The following IKBKB variants were observed in gnomAD, a reference collection of about 807,000 sequenced individuals.
IKBKB encodes the protein inhibitor of nuclear factor kappa B kinase subunit beta.
In IKBKB, 42 loss-of-function variants were observed where a neutral mutation model predicts 113.6. The observed-to-expected ratio is 0.37, with a 90% confidence interval of 0.29 to 0.48. The LOEUF (loss-of-function observed/expected upper bound fraction) is 0.48, where lower values mean the gene tolerates loss of function less well. Among genes scored for constraint, IKBKB ranks in the 20% least tolerant of loss-of-function variants. IKBKB has a pLI of 0.99. For synonymous variants in IKBKB, 296 were observed against 361.3 expected (o/e 0.82, Z 2.05); for missense variants, 673 against 939.7 (o/e 0.72, Z 3.71).
At chr8:42,326,174 G>A (rs368885434) in intron 20 of IKBKB, 77 bp downstream of exon 20, 2 of 1,546,080 alleles carry the variant, frequency 1.3e-6, no homozygotes, top group Non-Finnish European at 1.8e-6. Flanking sequence ...GTTTGTCACT[G>A]GTAAATGTCT....
In IKBKB at chr8:42,272,192, G is replaced by A; in HGVS notation, c.92G>A (p.Arg31Gln). The change falls in exon 2 of 22, where the codon CGA becomes CAA. Residue 31 changes from arginine (R) to glutamine (Q), a missense_variant. Physicochemically the swap from Arg to Gln is conservative, Grantham distance 43. Around this residue, in one of 2 missense-constraint regions of IKBKB, gnomAD observed 167 missense variants for 301.0 expected, o/e 0.55. Transcript: ENST00000520810. ...LGTGGFGNVIRWHNQETGEQI... is the reference protein window; with the variant it reads ...LGTGGFGNVIQWHNQETGEQI... ...ACAGGGGGATTTGGAAATGTCATCCGATGGCACAATCAGGTAGGCCCTCTG... is the reference window on the plus strand; with the variant it reads ...ACAGGGGGATTTGGAAATGTCATCCAATGGCACAATCAGGTAGGCCCTCTG... 2 of 1,614,150 alleles carry A rather than the reference G, an allele frequency of 1.2e-6. No homozygotes were observed. The highest frequency in any genetic ancestry group is 1.7e-6 in the Non-Finnish European group (2 of 1,180,046).
rs538968317 is a variant in IKBKB at position 42,293,726 on chromosome 8, T to A, written c.388+214T>A. 3.9e-5 allele frequency among the ~76,000 whole-genome samples: 6 copies of A among 152,314 alleles called. No homozygotes were observed. In the East Asian group the frequency reaches 7.7e-4, roughly 20 times the overall value. On this transcript the variant is annotated intron_variant, in intron 5 of 21. Transcript: ENST00000520810. Reference sequence around the variant, plus strand: ...ACTCAAATAGGTTTCCCTTCCTTCCTGATTAACTCATCAGGTGAATTATGA... The same window carrying A: ...ACTCAAATAGGTTTCCCTTCCTTCCAGATTAACTCATCAGGTGAATTATGA...
At chr8:42,303,749 C>G (rs757588166) in intron 5 of IKBKB, among the ~76,000 whole-genome samples, 1 of 152,296 alleles carries the variant, frequency 6.6e-6, no homozygotes, top group South Asian at 2.1e-4. Context: ...TCAGGTGATT[C>G]GCCCACGTTG....
chr8:42,271,322 G>A lies in IKBKB; in HGVS notation c.-166G>A, dbSNP rs753709494. On this transcript the variant is annotated 5_prime_UTR_variant, in exon 1 of 22. Coordinates refer to ENST00000520810, the MANE Select transcript of IKBKB (RefSeq NM_001556.3). ...GCTCCGTGACGTCAGAGCAGGAAGTGTTTGAGGAAGTCGCGCCGCGCTGCC... is the reference window on the plus strand; with the variant it reads ...GCTCCGTGACGTCAGAGCAGGAAGTATTTGAGGAAGTCGCGCCGCGCTGCC... 3.9e-6 allele frequency: 4 copies of A among 1,031,948 alleles called. No individual in the cohort carries two copies. The highest frequency in any genetic ancestry group is 3.2e-5 in the African/African-American group (2 of 63,444). 63.9% of individuals were successfully genotyped at this position (1,031,948 alleles called of 1,614,324 possible). A position where few individuals can be genotyped will look rare whatever the true frequency, so the allele number is the denominator to read the frequency against.
chr8:42,317,232 C>T, intron 11 of IKBKB: 1 of 429,796 alleles, frequency 2.3e-6, no homozygotes. Context: ...AAAAAGGATG[C>T]TGCACTTTCT....
At chr8:42,321,595 C>T (rs1044152301) in intron 16 of IKBKB, 8 of 314,776 alleles carry the variant, frequency 2.5e-5, no homozygotes, top group Admixed American at 4.5e-5. Context: ...AATCATAGCT[C>T]ACTGCAGCCT....
chr8:42,301,057 A>G (rs568059323), intron 5 of IKBKB, among the ~76,000 whole-genome samples: 18 of 151,676 alleles, frequency 1.2e-4, no homozygotes, highest in African/African-American at 2.7e-4. Flanking sequence ...GGGTCTTGCT[A>G]TATTGCCCAG....
chr8:42,319,452 A>T, intron 14 of IKBKB, 31 bp downstream of exon 14: 1 of 1,613,346 alleles, frequency 6.2e-7, no homozygotes, highest in Non-Finnish European at 8.5e-7. Context: ...GAGTTTAAAG[A>T]CACCATTTTT....
At chr8:42,285,844 A>G (rs1217712130) in intron 2 of IKBKB, among the ~76,000 whole-genome samples, 1 of 152,220 alleles carries the variant, frequency 6.6e-6, no homozygotes, top group Non-Finnish European at 1.5e-5. Flanking sequence ...TTCCATTTAT[A>G]TGAAATGTCC....
chr8:42,302,768 A>G (rs1323758377), intron 5 of IKBKB, among the ~76,000 whole-genome samples: 1 of 151,678 alleles, frequency 6.6e-6, no homozygotes, highest in East Asian at 1.9e-4. Context: ...CAAAATCCAA[A>G]AAAAAAAAAA....
chr8:42,322,340 T>G lies in IKBKB; in HGVS notation c.1839-7T>G. ...TGCCATTAGTTTGCCATGTTTATTC[T>G]TTGCAGTAAAACTGTGGTTTGCAAG... On this transcript the variant is annotated splice_polypyrimidine_tract_variant and splice_region_variant and intron_variant, in intron 18 of 21. Transcript: ENST00000520810. 6.2e-7 allele frequency: 1 copy of G among 1,613,712 alleles called. No individual in the cohort carries two copies. The highest frequency in any genetic ancestry group is 8.5e-7 in the Non-Finnish European group (1 of 1,179,956).
intron 2 of IKBKB, among the ~76,000 whole-genome samples, chr8:42,275,934 C>T (rs546577520): frequency 2.0e-5 from 3 of 152,190 alleles, no homozygotes; most frequent in Admixed American, 6.6e-5. Context: ...CTCCGCCTCC[C>T]GGGATCAAGC....
Position 42,322,407 on chromosome 8 carries a change from G to A in IKBKB, c.1899G>A (p.Val633=). 6.2e-7 allele frequency: 1 copy of A among 1,614,018 alleles called. No individual in the cohort carries two copies. Among genetic ancestry groups the A allele is most frequent in the Non-Finnish European group, 8.5e-7 (1 of 1,180,024 alleles). ...LELLPKVEEV[V]SLMNEDEKTV... Reference sequence around the variant, plus strand: ...TGTTGCCCAAGGTGGAAGAGGTGGTGAGCTTAATGAATGAGGATGAGAAGA... The same window carrying A: ...TGTTGCCCAAGGTGGAAGAGGTGGTAAGCTTAATGAATGAGGATGAGAAGA... Residue 633 remains valine (V), a synonymous_variant, in exon 19 of 22, where the codon GTG becomes GTA. Coordinates refer to ENST00000520810, the MANE Select transcript of IKBKB (RefSeq NM_001556.3).
Position 42,296,728 on chromosome 8 carries a change from A to T in IKBKB, c.388+3216A>T, listed in dbSNP as rs573268146. Among the ~76,000 whole-genome samples, 104 of 151,446 alleles carry T rather than the reference A, an allele frequency of 6.9e-4. 1 individual carries two copies. Among genetic ancestry groups the T allele is most frequent in the Middle Eastern group, 3.4e-3 (1 of 292 alleles). On this transcript the variant is annotated intron_variant, in intron 5 of 21. Coordinates refer to ENST00000520810, the MANE Select transcript of IKBKB (RefSeq NM_001556.3). The stretch of plus-strand genomic sequence containing the variant: ...ATAAGTAAGGACCTAGTTTTTTTTT[A>T]AAATCAAATGTCCACACATCATGAA...
At chr8:42,298,992 G>A (rs1305377578) in intron 5 of IKBKB, among the ~76,000 whole-genome samples, 2 of 151,980 alleles carry the variant, frequency 1.3e-5, no homozygotes, top group Non-Finnish European at 2.9e-5. Flanking sequence ...TTCCCTGGCC[G>A]TTCTTGTGGC....
chr8:42,303,092 TGAGA>T (rs763171765), intron 5 of IKBKB, among the ~76,000 whole-genome samples: 4,092 of 70,128 alleles, frequency 0.058, 194 homozygotes, highest in African/African-American at 0.17. Context: ...AGAGAGAGAA[TGAGA>T]GAGAGAGAGA....
intron 16 of IKBKB, 53 bp from the exon 17 acceptor site, chr8:42,321,843 A>C: frequency 7.4e-7 from 1 of 1,358,812 alleles, no homozygotes; most frequent in Non-Finnish European, 1.0e-6. Context: ...AAAAATGTAA[A>C]AATTAGCCAT....
intron 11 of IKBKB, among the ~76,000 whole-genome samples, chr8:42,317,420 C>T (rs1204991038): frequency 6.6e-6 from 1 of 152,150 alleles, no homozygotes; most frequent in Admixed American, 6.5e-5. Context: ...TAGTGAATTT[C>T]TGAACTTCCC....
At position 42,279,122 on chromosome 8, in the gene IKBKB, C is replaced by T. The variant is rs145413070; in HGVS notation, c.105+6917C>T. 6.6e-5 allele frequency among the ~76,000 whole-genome samples: 10 copies of T among 152,356 alleles called. 1 individual carries two copies. Among genetic ancestry groups the T allele is most frequent in the African/African-American group, 2.2e-4 (9 of 41,580 alleles). On this transcript the variant is annotated intron_variant, in intron 2 of 21. Coordinates refer to ENST00000520810, the MANE Select transcript of IKBKB (RefSeq NM_001556.3). ...CCTCAATGATGCCTACCCGTGAGCC[C>T]GGCCCAGGCCAGGAAGCTCTCTACC... is the stretch of plus-strand genomic sequence containing the variant.
Sources: gnomAD v4.1 joint callset for allele counts (sites outside exome capture counted in the v4.1 genomes callset) on GRCh38, gnomAD v4.1.1 for gene constraint, gnomAD v4.1.1 regional missense constraint, MANE v1.5 for transcripts, NCBI Gene and HGNC (gene_info 2026-07-23, HGNC 2026-07-21) for gene names.